The following LAMA3 variants were observed in gnomAD, a reference collection of about 807,000 sequenced individuals.
The protein encoded by LAMA3 is laminin subunit alpha-3.
In LAMA3, 281 loss-of-function variants were observed where a neutral mutation model predicts 402.0. The observed-to-expected ratio is 0.70, with a 90% CI of 0.63 to 0.77. The LOEUF is 0.77. Among genes scored for constraint, LAMA3 ranks in the 30% least tolerant of loss-of-function variants. The pLI is 0.00. For synonymous variants in LAMA3, 1,431 were observed against 1,558.4 expected, an observed-to-expected ratio of 0.92 and a Z score of 1.93; for missense variants, 3,840 against 4,215.5, an observed-to-expected ratio of 0.91 and a Z score of 2.47.
chr18:23,710,663 T>C (rs970505084), intron 1 of LAMA3, among the ~76,000 whole-genome samples: 2 of 152,100 alleles, frequency 1.3e-5, no homozygotes. Context: ...GCAGTAAATA[T>C]GACATTGAGA....
rs2060551436 is a variant in LAMA3 at position 23,690,060 on chromosome 18, T to TC, written c.294+83_294+84insC. The TC allele has an allele frequency of 2.7e-6, 3 of 1,118,736 alleles. No individual in the cohort carries two copies. In the African/African-American group the frequency reaches 5.0e-5, roughly 18 times the overall value. 69.3% of individuals were successfully genotyped at this position (1,118,736 alleles called of 1,614,324 possible). On this transcript the variant is annotated intron_variant, in intron 1 of 74. Transcript: ENST00000313654. ...ACACCCGGAGAAGGGATCGGGCCCT[T>TC]TCCTCACGCGCGCTAGTGGCTCCGG...
chr18:23,707,715 GTCACCA>G (rs2060915709), intron 1 of LAMA3, among the ~76,000 whole-genome samples: 1 of 150,636 alleles, frequency 6.6e-6, no homozygotes, highest in Admixed American at 6.6e-5. Context: ...TGCTCAGGCT[GTCACCA>G]ACTCCCTGGG....
chr18:23,794,967 AGCAGAGTATT>A (rs2062734984), intron 12 of LAMA3, among the ~76,000 whole-genome samples: 1 of 152,218 alleles, frequency 6.6e-6, no homozygotes, highest in African/African-American at 2.4e-5. Flanking sequence ...TTTGACCTTC[AGCAGAGTATT>A]ATTCCATCCA....
At chr18:23,800,836 C>T (rs187036269) in intron 12 of LAMA3, among the ~76,000 whole-genome samples, 68 of 152,172 alleles carry the variant, frequency 4.5e-4, no homozygotes, top group Middle Eastern at 3.4e-3. Flanking sequence ...CAGGCTCATC[C>T]GTGTTGCCAT....
At position 23,844,939 on chromosome 18, in the gene LAMA3, T is replaced by A. The variant is rs1192506918; in HGVS notation, c.3604-70T>A. 3.3e-6 allele frequency: 3 copies of A among 904,764 alleles called. No homozygotes were observed. The African/African-American group carries it at 4.9e-5, about 15-fold the overall frequency. The allele number at this position is 904,764 out of a possible 1,614,324, so 56.0% of individuals were successfully genotyped here. On this transcript the variant is annotated intron_variant, in intron 29 of 74. Transcript: ENST00000313654. ...ATTTTTCGAGTAGGGGTGCTCAACC[T>A]GTATAATAAGTAGCCTTAGGTCTGT...
intron 20 of LAMA3, among the ~76,000 whole-genome samples, chr18:23,823,232 C>T (rs536785597): frequency 6.6e-6 from 1 of 152,272 alleles, no homozygotes; most frequent in African/African-American, 2.4e-5. Context: ...CATTGCCTCA[C>T]ATCATAAGAA....
intron 48 of LAMA3, among the ~76,000 whole-genome samples, chr18:23,902,495 A>G (rs1281450458): frequency 6.6e-6 from 1 of 152,172 alleles, no homozygotes; most frequent in African/African-American, 2.4e-5. Context: ...TTAGCTCCCA[A>G]AGCCTCTTTG....
chr18:23,869,476 G>A (rs1469886202), intron 37 of LAMA3, among the ~76,000 whole-genome samples: 3 of 152,148 alleles, frequency 2.0e-5, no homozygotes, highest in African/African-American at 4.8e-5. Flanking sequence ...ACATTATGAT[G>A]ATGTTTGCAT....
intron 70 of LAMA3, among the ~76,000 whole-genome samples, 188 bp from the exon 71 acceptor site, chr18:23,949,577 C>G (rs1359651562): frequency 6.6e-6 from 1 of 152,186 alleles, no homozygotes; most frequent in Admixed American, 6.5e-5. Context: ...TCTTGGCACT[C>G]TGGGCAGAGA....
At chr18:23,744,460 TGGG>T (rs1159740085) in intron 2 of LAMA3, among the ~76,000 whole-genome samples, 2 of 152,136 alleles carry the variant, frequency 1.3e-5, no homozygotes, top group Non-Finnish European at 2.9e-5. Context: ...AAGTTAGGCC[TGGG>T]TGGCAGGATA....
intron 1 of LAMA3, among the ~76,000 whole-genome samples, chr18:23,692,161 C>T (rs1310551949): frequency 6.6e-6 from 1 of 152,240 alleles, no homozygotes; most frequent in South Asian, 2.1e-4. Context: ...TAGCTCTGCC[C>T]CATCCTTCGG....
intron 48 of LAMA3, 63 bp downstream of exon 48, chr18:23,901,386 A>T: frequency 7.2e-7 from 1 of 1,387,366 alleles, no homozygotes; most frequent in Non-Finnish European, 1.0e-6. Flanking sequence ...AGGGATCTTT[A>T]TTATTAATAA....
intron 27 of LAMA3, among the ~76,000 whole-genome samples, chr18:23,841,935 G>A (rs537971964): frequency 5.6e-4 from 85 of 152,076 alleles, no homozygotes; most frequent in African/African-American, 1.9e-3. Flanking sequence ...AAAAAAAAAT[G>A]GAGTCAGACT....
intron 18 of LAMA3, 44 bp downstream of exon 18, chr18:23,816,531 A>G (rs781068335): frequency 1.3e-6 from 2 of 1,493,514 alleles, no homozygotes; most frequent in African/African-American, 2.8e-5. Flanking sequence ...GGTGTGAAAG[A>G]TGGTCTTAGA....
intron 2 of LAMA3, among the ~76,000 whole-genome samples, chr18:23,724,876 C>T (rs2061271548): frequency 6.6e-6 from 1 of 152,140 alleles, no homozygotes; most frequent in African/African-American, 2.4e-5. Context: ...GGGCACCTGC[C>T]CAGCCCCCAC....
At chr18:23,847,434 T>C in intron 31 of LAMA3, 30 bp from the exon 32 acceptor site, 1 of 1,604,808 alleles carries the variant, frequency 6.2e-7, no homozygotes, top group South Asian at 1.1e-5. Flanking sequence ...CCTTTGACCC[T>C]CACATGGTAT....
chr18:23,827,481 T>A lies in LAMA3; in HGVS notation c.2823+14T>A. ...AGCGGGAGAGAGGTGGGCCAGCCTT[T>A]TATTTATTATCAAAGTTATTACTAC... is the stretch of plus-strand genomic sequence containing the variant. On this transcript the variant is annotated intron_variant, in intron 23 of 74. Coordinates refer to ENST00000313654, the MANE Select transcript of LAMA3 (RefSeq NM_198129.4). The A allele has an allele frequency of 6.2e-7, 1 of 1,613,536 alleles. No individual in the cohort carries two copies. Among genetic ancestry groups the A allele is most frequent in the Non-Finnish European group, 8.5e-7 (1 of 1,179,916 alleles).
intron 36 of LAMA3, among the ~76,000 whole-genome samples, chr18:23,865,407 G>A (rs1402637506): frequency 6.6e-6 from 1 of 152,202 alleles, no homozygotes; most frequent in Non-Finnish European, 1.5e-5. Context: ...AAAGCTCTGG[G>A]ATTACAGGCG....
chr18:23,915,006 T>C (rs560362565), intron 58 of LAMA3, 146 bp downstream of exon 58: 390 of 753,936 alleles, frequency 5.2e-4, no homozygotes, highest in Non-Finnish European at 7.9e-4. Flanking sequence ...TAGCTAACAC[T>C]TATTGAGTGC....
Sources: allele counts gnomAD v4.1 joint callset (sites outside exome capture counted in the v4.1 genomes callset), GRCh38; gene constraint gnomAD v4.1.1; transcripts MANE v1.5; gene names NCBI Gene and HGNC (gene_info 2026-07-23, HGNC 2026-07-21).